The following SGMS1 variants were observed in gnomAD, a reference collection of about 807,000 sequenced individuals.
The protein encoded by SGMS1 is sphingomyelin synthase 1.
In SGMS1, 13 loss-of-function variants were observed where a neutral mutation model predicts 46.2. That is an observed-to-expected ratio of 0.28 (90% CI 0.18 to 0.45). The LOEUF (loss-of-function observed/expected upper bound fraction) is 0.45, where lower values mean the gene tolerates loss of function less well. SGMS1 is among the 20% of genes least tolerant of loss of function. The pLI is 1.00. For missense variants in SGMS1, 324 were observed against 519.9 expected, an observed-to-expected ratio of 0.62 and a Z score of 3.66; for synonymous variants, 203 against 187.8, an observed-to-expected ratio of 1.08 and a Z score of -0.66.
intron 6 of SGMS1, among the ~76,000 whole-genome samples, chr10:50,398,219 T>C (rs942354968): frequency 2.2e-4 from 34 of 152,042 alleles, no homozygotes; most frequent in African/African-American, 8.2e-4. Context: ...AAAAAATAAA[T>C]AAGCACACCA....
intron 3 of SGMS1, among the ~76,000 whole-genome samples, chr10:50,499,594 CATAA>C (rs1241416021): frequency 1.3e-5 from 2 of 152,150 alleles, no homozygotes; most frequent in East Asian, 3.9e-4. Context: ...AAATTATAAA[CATAA>C]ATATTCTTTT....
rs146215925 is a variant in SGMS1, at chr10:50,375,477, G to T, written c.-231-31132C>A. Among the ~76,000 whole-genome samples the T allele has an allele frequency of 9.3e-3, 1,410 of 152,284 alleles. 25 individuals carry two copies. The highest frequency in any genetic ancestry group is 0.031 in the African/African-American group (1,289 of 41,558). ...GGAGTGGATTCAAATAAAGACAGGGGGTGAGAGCACTGTAATTTATTAGTT... is the reference window on the plus strand; with the variant it reads ...GGAGTGGATTCAAATAAAGACAGGGTGTGAGAGCACTGTAATTTATTAGTT... On this transcript the variant is annotated intron_variant, in intron 6 of 10. Transcript: ENST00000361781.
intron 6 of SGMS1, among the ~76,000 whole-genome samples, chr10:50,373,532 C>G (rs180783497): frequency 4.1e-4 from 62 of 152,248 alleles, no homozygotes; most frequent in African/African-American, 1.4e-3. Flanking sequence ...AAGATTTTGT[C>G]AAATGATCTA....
intron 6 of SGMS1, among the ~76,000 whole-genome samples, chr10:50,351,026 G>T (rs999887072): frequency 6.6e-6 from 1 of 152,180 alleles, no homozygotes; most frequent in African/African-American, 2.4e-5. Context: ...CATGAAATCA[G>T]CCGGGAGGGA....
chr10:50,578,408 C>G (rs1263279614), intron 2 of SGMS1, among the ~76,000 whole-genome samples: 3 of 152,166 alleles, frequency 2.0e-5, no homozygotes, highest in African/African-American at 7.2e-5. Context: ...TATGCTTACC[C>G]TTGGAAAATT....
intron 3 of SGMS1, among the ~76,000 whole-genome samples, chr10:50,470,022 G>A (rs918309217): frequency 6.6e-6 from 1 of 152,176 alleles, no homozygotes; most frequent in African/African-American, 2.4e-5. Context: ...GTGGTTTCCT[G>A]AAGCAACACC....
intron 1 of SGMS1, among the ~76,000 whole-genome samples, chr10:50,609,999 A>C (rs1838734558): frequency 6.6e-6 from 1 of 152,192 alleles, no homozygotes; most frequent in Admixed American, 6.5e-5. Flanking sequence ...AACTGCTCCA[A>C]GGGGCCTCTG....
At chr10:50,619,584 A>C (rs1173233868) in intron 1 of SGMS1, among the ~76,000 whole-genome samples, 1 of 152,180 alleles carries the variant, frequency 6.6e-6, no homozygotes, top group East Asian at 1.9e-4. Flanking sequence ...TAAAACAAGC[A>C]AGGGGCTTTT....
At chr10:50,601,662 A>G (rs1029388647) in intron 1 of SGMS1, among the ~76,000 whole-genome samples, 1 of 152,356 alleles carries the variant, frequency 6.6e-6, no homozygotes, top group Non-Finnish European at 1.5e-5. Context: ...TTCTTCTAGC[A>G]TGCTATTGTG....
intron 2 of SGMS1, among the ~76,000 whole-genome samples, chr10:50,578,807 T>G (rs1303112544): frequency 1.3e-5 from 2 of 152,186 alleles, no homozygotes; most frequent in Non-Finnish European, 2.9e-5. Flanking sequence ...TATTTCTTTT[T>G]AAATGCATAA....
chr10:50,554,723 T>G (rs1011055906), intron 2 of SGMS1, among the ~76,000 whole-genome samples: 1 of 152,180 alleles, frequency 6.6e-6, no homozygotes, highest in Non-Finnish European at 1.5e-5. Context: ...GTGAATAAAT[T>G]TAGTTCCAAG....
intron 2 of SGMS1, among the ~76,000 whole-genome samples, chr10:50,575,417 T>C (rs1838375391): frequency 1.3e-5 from 2 of 152,016 alleles, no homozygotes; most frequent in Non-Finnish European, 2.9e-5. Flanking sequence ...CCAGGCATGG[T>C]GGTGCACACC....
chr10:50,537,194 T>A (rs1197981937), intron 2 of SGMS1, among the ~76,000 whole-genome samples: 1 of 152,192 alleles, frequency 6.6e-6, no homozygotes, highest in Non-Finnish European at 1.5e-5. Flanking sequence ...TCTTGTTTGA[T>A]CCTTAGTTCA....
intron 2 of SGMS1, among the ~76,000 whole-genome samples, chr10:50,566,719 G>T (rs951869968): frequency 4.6e-5 from 7 of 152,120 alleles, no homozygotes; most frequent in Non-Finnish European, 8.8e-5. Context: ...CAGTACGGTG[G>T]TCCCTCAGTA....
chr10:50,501,219 C>G (rs552463249), intron 3 of SGMS1, among the ~76,000 whole-genome samples: 17 of 152,228 alleles, frequency 1.1e-4, no homozygotes, highest in African/African-American at 3.1e-4. Context: ...GGAGTAAATT[C>G]TCATTCTTTT....
At chr10:50,392,798 A>G (rs1848792796) in intron 6 of SGMS1, among the ~76,000 whole-genome samples, 1 of 152,176 alleles carries the variant, frequency 6.6e-6, no homozygotes, top group African/African-American at 2.4e-5. Context: ...TAAGTAGGGG[A>G]AAGGGAGAGA....
At chr10:50,535,679 C>T (rs1837994580) in intron 2 of SGMS1, among the ~76,000 whole-genome samples, 1 of 152,124 alleles carries the variant, frequency 6.6e-6, no homozygotes, top group South Asian at 2.1e-4. Flanking sequence ...AGCTTAAATT[C>T]TTAATGGGCT....
chr10:50,577,706 G>A (rs1028481445), intron 2 of SGMS1, among the ~76,000 whole-genome samples: 1 of 152,184 alleles, frequency 6.6e-6, no homozygotes, highest in Non-Finnish European at 1.5e-5. Context: ...ACAGGCCAAC[G>A]CTTTTAAGTG....
At chr10:50,381,687 A>G (rs1185603408) in intron 6 of SGMS1, among the ~76,000 whole-genome samples, 2 of 152,226 alleles carry the variant, frequency 1.3e-5, no homozygotes, top group Non-Finnish European at 2.9e-5. Context: ...TAACATTAAT[A>G]AAAGCCAACC....
Sources: gnomAD v4.1 joint callset for allele counts (sites outside exome capture counted in the v4.1 genomes callset) on GRCh38, gnomAD v4.1.1 for gene constraint, MANE v1.5 for transcripts, NCBI Gene and HGNC (gene_info 2026-07-23, HGNC 2026-07-21) for gene names.